Variants in MYO5B observed in about 807,000 individuals in gnomAD.
MYO5B encodes the protein myosin VB, also known as unconventional myosin-Vb.
In MYO5B, 143 loss-of-function variants were observed where a neutral mutation model predicts 229.3. The observed-to-expected ratio is 0.62, with a 90% confidence interval of 0.54 to 0.72. The LOEUF (loss-of-function observed/expected upper bound fraction) is 0.72. Ranked by LOEUF, MYO5B falls within the 30% of genes least tolerant of loss-of-function variation. The pLI, the probability that MYO5B is intolerant of heterozygous loss-of-function variation, is 0.00. For missense variants in MYO5B, 2,321 were observed against 2,331.0 expected (o/e 1.00, Z 0.09); for synonymous variants, 918 against 885.2 (o/e 1.04, Z -0.66).
In MYO5B at chr18:49,902,682, A is replaced by T; in HGVS notation, c.2723T>A (p.Ile908Asn). The change falls in exon 21 of 40, where the codon ATT becomes AAT. Residue 908 changes from isoleucine (I) to asparagine (N), a missense_variant. Ile to Asn is a moderately radical substitution (Grantham distance 149). This residue lies in a region of MYO5B where 2,113 missense variants were observed against 2,044.7 expected (regional missense o/e 1.03). Coordinates refer to ENST00000285039, the MANE Select transcript of MYO5B (RefSeq NM_001080467.3). ...CAGATGCTCTGCTGAGCGGGCCTCA[A>T]TCCTGAGGGCCTTCAGCTCCCGCCT... ...KARRELKALR[I>N]EARSAEHLKR... The T allele has an allele frequency of 6.2e-7, 1 of 1,612,930 alleles. No individual in the cohort carries two copies. The highest frequency in any genetic ancestry group is 8.5e-7 in the Non-Finnish European group (1 of 1,180,028).
Position 50,177,487 on chromosome 18 carries a change from T to C in MYO5B, c.27+17280A>G, listed in dbSNP as rs539641615. ...ATCATTCTCTTTGATGTCAATAATG[T>C]TCACTCAGCAAGCAAACAAAACTTC... On this transcript the variant is annotated intron_variant, in intron 1 of 39. Coordinates refer to ENST00000285039, the MANE Select transcript of MYO5B (RefSeq NM_001080467.3). Among the ~76,000 whole-genome samples the C allele has an allele frequency of 3.3e-5, 5 of 152,342 alleles. No individual in the cohort carries two copies. The East Asian group carries it at 7.7e-4, about 24-fold the overall frequency.
chr18:50,087,517 G>A (rs2031355882), intron 1 of MYO5B, among the ~76,000 whole-genome samples: 1 of 149,790 alleles, frequency 6.7e-6, no homozygotes, highest in African/African-American at 2.5e-5. Context: ...AGGTTGCAGT[G>A]AGGTGAGATC....
chr18:50,002,493 G>C (rs982132066), intron 4 of MYO5B, among the ~76,000 whole-genome samples: 14 of 152,180 alleles, frequency 9.2e-5, no homozygotes, highest in Non-Finnish European at 4.4e-5. Context: ...GCTGGTGGAA[G>C]GAGGGCCACG....
intron 1 of MYO5B, among the ~76,000 whole-genome samples, chr18:50,186,624 T>C (rs2033153017): frequency 6.6e-6 from 1 of 152,130 alleles, no homozygotes; most frequent in Non-Finnish European, 1.5e-5. Context: ...AAAAACATGC[T>C]AGCCACATAA....
intron 9 of MYO5B, among the ~76,000 whole-genome samples, chr18:49,977,052 C>T (rs2025759072): frequency 1.3e-5 from 2 of 152,148 alleles, no homozygotes; most frequent in South Asian, 4.1e-4. Context: ...TGCCTAAGGC[C>T]TCGCGCTGTG....
intron 28 of MYO5B, 85 bp downstream of exon 28, chr18:49,864,056 C>T (rs116771378): frequency 4.4e-6 from 7 of 1,576,718 alleles, no homozygotes; most frequent in African/African-American, 1.3e-5. Context: ...TTTAGACCCT[C>T]GTGGGTAAAG....
chr18:49,902,900 A>C, intron 20 of MYO5B, 67 bp from the exon 21 acceptor site: 1 of 1,569,980 alleles, frequency 6.4e-7, no homozygotes, highest in Non-Finnish European at 8.6e-7. Context: ...GGAAGCATAC[A>C]TCACTGCCTG....
intron 1 of MYO5B, among the ~76,000 whole-genome samples, chr18:50,111,546 C>G (rs1006417291): frequency 6.6e-6 from 1 of 152,182 alleles, no homozygotes; most frequent in African/African-American, 2.4e-5. Flanking sequence ...TTAGATAAGA[C>G]TGAATTCAAA....
At chr18:50,072,414 T>C (rs751356575) in intron 1 of MYO5B, among the ~76,000 whole-genome samples, 1 of 152,058 alleles carries the variant, frequency 6.6e-6, no homozygotes, top group East Asian at 1.9e-4. Flanking sequence ...GGGAAGGGCA[T>C]CACATTCAGG....
chr18:50,084,076 C>T (rs1015672900), intron 1 of MYO5B, among the ~76,000 whole-genome samples: 6 of 152,110 alleles, frequency 3.9e-5, no homozygotes, highest in Admixed American at 1.3e-4. Context: ...AATTCCATGG[C>T]GTAATAACGT....
intron 32 of MYO5B, 26 bp from the exon 33 acceptor site, chr18:49,847,315 A>C: frequency 6.2e-7 from 1 of 1,610,554 alleles, no homozygotes. Context: ...AACAGGAAGC[A>C]TGGATGAGAC....
At chr18:49,957,929 G>GC (rs1295867455) in intron 12 of MYO5B, among the ~76,000 whole-genome samples, 1 of 151,946 alleles carries the variant, frequency 6.6e-6, no homozygotes, top group African/African-American at 2.4e-5. Context: ...AAGCCCAGCT[G>GC]GCCCCCCCCA....
rs550169923 is a variant in MYO5B, at chr18:49,906,291, A to G, written c.2414+128T>C. 5 of 910,946 alleles carry G rather than the reference A, an allele frequency of 5.5e-6. 1 individual carries two copies. The South Asian group carries it at 7.1e-5, about 13-fold the overall frequency. 56.4% of individuals were successfully genotyped at this position (910,946 alleles called of 1,614,324 possible). On this transcript the variant is annotated intron_variant, in intron 19 of 39. Transcript: ENST00000285039. ...GCCCAGCTGCCGAGGAAAAGCCAAGATGCAGACATGGCCCCAACAGGAACC... is the reference window on the plus strand; with the variant it reads ...GCCCAGCTGCCGAGGAAAAGCCAAGGTGCAGACATGGCCCCAACAGGAACC...
intron 21 of MYO5B, among the ~76,000 whole-genome samples, chr18:49,901,174 A>G (rs144419464): frequency 5.1e-4 from 78 of 152,322 alleles, no homozygotes; most frequent in African/African-American, 1.7e-3. Flanking sequence ...CTCCCTTATG[A>G]TACAGCATGC....
intron 5 of MYO5B, among the ~76,000 whole-genome samples, chr18:49,999,351 C>T (rs2026021972): frequency 6.6e-6 from 1 of 152,248 alleles, no homozygotes; most frequent in African/African-American, 2.4e-5. Context: ...AGTACATGGT[C>T]TAAGGAGGCC....
chr18:50,152,160 C>T (rs1188078052), intron 1 of MYO5B, among the ~76,000 whole-genome samples: 1 of 152,220 alleles, frequency 6.6e-6, no homozygotes, highest in Non-Finnish European at 1.5e-5. Context: ...TCGTGAAAAG[C>T]ACAGCCTACT....
At chr18:49,941,359 C>T (rs897653273) in intron 14 of MYO5B, among the ~76,000 whole-genome samples, 4 of 152,326 alleles carry the variant, frequency 2.6e-5, no homozygotes, top group African/African-American at 9.6e-5. Context: ...TATTCTGTGG[C>T]TACAATAGGC....
intron 1 of MYO5B, among the ~76,000 whole-genome samples, chr18:50,135,692 T>C (rs577885901): frequency 2.0e-5 from 3 of 152,320 alleles, no homozygotes; most frequent in South Asian, 4.1e-4. Flanking sequence ...TTAAAGACAA[T>C]TGAGATTCCA....
intron 1 of MYO5B, among the ~76,000 whole-genome samples, chr18:50,151,775 G>T (rs1628303): frequency 0.98 from 149,089 of 152,236 alleles, 73,082 homozygotes; most frequent in East Asian, 1. Flanking sequence ...GTCTGTACTC[G>T]GATGTTCAAA....
Sources: allele counts gnomAD v4.1 joint callset (sites outside exome capture counted in the v4.1 genomes callset), GRCh38; gene constraint gnomAD v4.1.1; regional missense constraint gnomAD v4.1.1; transcripts MANE v1.5; gene names NCBI Gene and HGNC (gene_info 2026-07-23, HGNC 2026-07-21).